Variants in DNAJC1 observed in about 807,000 individuals in gnomAD.
DNAJC1 encodes DnaJ heat shock protein family (Hsp40) member C1, also known as dnaJ homolog subfamily C member 1.
DNAJC1 carries 58 observed loss-of-function variants against 76.6 expected under a neutral mutation model. The ratio of observed to expected loss-of-function variants is 0.76; its 90% CI spans 0.61 to 0.94. The LOEUF (loss-of-function observed/expected upper bound fraction) is 0.94. Among genes scored for constraint, DNAJC1 ranks in the 40% least tolerant of loss-of-function variants. The pLI is 0.00. For synonymous variants in DNAJC1, 258 were observed against 267.9 expected (o/e 0.96, Z 0.36); for missense variants, 689 against 677.3 (o/e 1.02, Z -0.19).
intron 8 of DNAJC1, among the ~76,000 whole-genome samples, chr10:21,813,515 C>T (rs909203951): frequency 2.6e-5 from 4 of 151,940 alleles, no homozygotes; most frequent in Admixed American, 6.6e-5. Flanking sequence ...CCTGCCTCAG[C>T]CTCCCGAGTA....
intron 1 of DNAJC1, 105 bp downstream of exon 1, chr10:22,003,108 G>T: frequency 7.5e-7 from 1 of 1,340,138 alleles, no homozygotes; most frequent in Non-Finnish European, 9.6e-7. Context: ...CAGAGCCCGG[G>T]GTGACCAAGC....
chr10:21,805,439 GACACACACACACACACACACACACAC>G (rs10657199), intron 9 of DNAJC1, among the ~76,000 whole-genome samples: 4 of 142,862 alleles, frequency 2.8e-5, no homozygotes, highest in African/African-American at 1.0e-4. Context: ...GTTACGTATG[GACACACACACACACACACACACACAC>G]ACACACACAC....
At chr10:21,805,951 C>A (rs76450805) in intron 9 of DNAJC1, 29 bp downstream of exon 9, 36,553 of 1,610,326 alleles carry the variant, frequency 0.023, 533 homozygotes, top group Non-Finnish European at 0.027. Context: ...GTTTCTCTCT[C>A]TATACAATGC....
In DNAJC1 at chr10:21,756,725, C is replaced by G; in HGVS notation, c.1627G>C (p.Val543Leu). The part of the protein sequence containing the change: ...EDCIARYKLL[V>L]ELVQKKKQAK... ...TGTTTTTTCTTTTGGACCAGTTCAA[C>G]CAGCAACTTGTACCTAGCGATACAG... Residue 543 changes from valine (V) to leucine (L), a missense_variant, in exon 12 of 12, where the codon GTT becomes CTT. Transcript: ENST00000376980. The G allele has an allele frequency of 6.2e-7, 1 of 1,613,826 alleles. No individual in the cohort carries two copies. The highest frequency in any genetic ancestry group is 8.5e-7 in the Non-Finnish European group (1 of 1,180,002).
At chr10:21,757,284 C>A (rs914349645) in intron 11 of DNAJC1, among the ~76,000 whole-genome samples, 3 of 152,178 alleles carry the variant, frequency 2.0e-5, no homozygotes, top group African/African-American at 7.2e-5. Context: ...GGCTGCAGAG[C>A]CGCCCACTTC....
intron 1 of DNAJC1, among the ~76,000 whole-genome samples, chr10:21,951,562 T>G (rs986798118): frequency 1.7e-5 from 2 of 119,272 alleles, no homozygotes; most frequent in African/African-American, 5.7e-5. Context: ...ACTTGATATA[T>G]AAACCATTCC....
intron 1 of DNAJC1, among the ~76,000 whole-genome samples, chr10:21,963,350 C>A (rs896430705): frequency 1.3e-5 from 2 of 152,074 alleles, no homozygotes; most frequent in African/African-American, 4.8e-5. Flanking sequence ...AACTGAAGAA[C>A]AGTTTTACAT....
intron 10 of DNAJC1, among the ~76,000 whole-genome samples, 155 bp downstream of exon 10, chr10:21,766,106 G>A (rs894232758): frequency 1.3e-5 from 2 of 152,166 alleles, no homozygotes; most frequent in Non-Finnish European, 2.9e-5. Flanking sequence ...TGGCTTGCTG[G>A]TGCCCGTATT....
intron 9 of DNAJC1, among the ~76,000 whole-genome samples, chr10:21,774,342 A>G (rs1415216283): frequency 6.6e-6 from 1 of 152,170 alleles, no homozygotes; most frequent in East Asian, 1.9e-4. Flanking sequence ...TTTTCATTTG[A>G]GGTCAACTGG....
chr10:21,932,660 G>A (rs1181154617), intron 1 of DNAJC1, among the ~76,000 whole-genome samples: 1 of 152,194 alleles, frequency 6.6e-6, no homozygotes, highest in Non-Finnish European at 1.5e-5. Context: ...AAGAGCTGTG[G>A]TTATTTTGTT....
chr10:22,001,898 T>C (rs1402537641), intron 1 of DNAJC1, among the ~76,000 whole-genome samples: 28 of 152,230 alleles, frequency 1.8e-4, no homozygotes. Flanking sequence ...AAATGAGATA[T>C]ATAGTGTATC....
Position 21,790,010 on chromosome 10 carries a change from T to TAAAAAAAAAAAAAAAAA in DNAJC1, c.1098+15953_1098+15969dup, listed in dbSNP as rs35639440. On this transcript the variant is annotated intron_variant, in intron 9 of 11. Transcript: ENST00000376980. Reference sequence around the variant, plus strand: ...GGGCAACACAGCAAGGCTCTGTCTTTAAAAAAAAAAAAAAAAAAAAAAAAA... The same window carrying TAAAAAAAAAAAAAAAAA: ...GGGCAACACAGCAAGGCTCTGTCTTTAAAAAAAAAAAAAAAAAAAAAAAAAAAAAAAAAAAAAAAAAA... Among the ~76,000 whole-genome samples the TAAAAAAAAAAAAAAAAA allele has an allele frequency of 3.4e-4, 14 of 41,092 alleles. 1 individual carries two copies. The highest frequency in any genetic ancestry group is 4.8e-4 in the African/African-American group (4 of 8,412). 27.0% of individuals were successfully genotyped at this position (41,092 alleles called of 152,430 possible). A position where few individuals can be genotyped will look rare whatever the true frequency, so the allele number is the denominator to read the frequency against.
At chr10:21,893,710 A>T (rs1331559517) in intron 7 of DNAJC1, among the ~76,000 whole-genome samples, 1 of 152,014 alleles carries the variant, frequency 6.6e-6, no homozygotes, top group East Asian at 1.9e-4. Context: ...TTAAATGCTG[A>T]CATTAGAAAA....
Position 21,919,905 on chromosome 10 carries a change from T to C in DNAJC1, c.562A>G (p.Arg188Gly). ...QLDELLSRKKREKKKKTGSKS... is the reference protein window; with the variant it reads ...QLDELLSRKKGEKKKKTGSKS... ...CTGCCAGTCTTTTTTTTCTTTTCTC[T>C]CTTTTTTCTACTTAGTAGTTCATCC... Residue 188 changes from arginine (R) to glycine (G), a missense_variant, in exon 5 of 12, where the codon AGA becomes GGA. Arg to Gly is a moderately radical substitution (Grantham distance 125, BLOSUM62 -2). Coordinates refer to ENST00000376980, the MANE Select transcript of DNAJC1 (RefSeq NM_022365.4). The C allele has an allele frequency of 1.2e-6, 2 of 1,606,778 alleles. No individual in the cohort carries two copies. The highest frequency in any genetic ancestry group is 2.2e-5 in the South Asian group (2 of 90,066).
intron 8 of DNAJC1, among the ~76,000 whole-genome samples, chr10:21,808,944 T>C (rs1325835219): frequency 6.6e-6 from 1 of 152,194 alleles, no homozygotes; most frequent in Non-Finnish European, 1.5e-5. Context: ...CCATACTGAA[T>C]ACAAAATAAA....
At chr10:21,943,126 A>C (rs1309267880) in intron 1 of DNAJC1, among the ~76,000 whole-genome samples, 1 of 152,192 alleles carries the variant, frequency 6.6e-6, no homozygotes, top group Admixed American at 6.5e-5. Context: ...TCTATGAGAA[A>C]TGAAATTCTA....
At chr10:21,951,154 T>C (rs765408995) in intron 1 of DNAJC1, among the ~76,000 whole-genome samples, 29 of 152,116 alleles carry the variant, frequency 1.9e-4, no homozygotes, top group Non-Finnish European at 3.5e-4. Context: ...ACCACGTCTC[T>C]ACTAAAAATG....
rs182234141 is a variant in DNAJC1, at chr10:21,790,077, A to G, written c.1098+15903T>C. Among the ~76,000 whole-genome samples, 4 of 151,298 alleles carry G rather than the reference A, an allele frequency of 2.6e-5. No homozygotes were observed. The East Asian group carries it at 7.7e-4, about 29-fold the overall frequency. On this transcript the variant is annotated intron_variant, in intron 9 of 11. Coordinates refer to ENST00000376980, the MANE Select transcript of DNAJC1 (RefSeq NM_022365.4). ...AGCAGACTTGATCTAACAGAAGAAA[A>G]AAAAATCTCTGAGTTTGAACACAGG...
intron 6 of DNAJC1, among the ~76,000 whole-genome samples, chr10:21,908,522 T>C (rs1490353711): frequency 6.7e-6 from 1 of 148,898 alleles, no homozygotes; most frequent in Non-Finnish European, 1.5e-5. Context: ...AATAAAATTA[T>C]AATAAAATCG....
Sources: gnomAD v4.1 joint callset for allele counts (sites outside exome capture counted in the v4.1 genomes callset) on GRCh38, gnomAD v4.1.1 for gene constraint, MANE v1.5 for transcripts, NCBI Gene and HGNC (gene_info 2026-07-23, HGNC 2026-07-21) for gene names.